The following PRLR variants were observed in gnomAD, a reference collection of about 807,000 sequenced individuals.
PRLR encodes the protein hPRL receptor.
PRLR carries 13 observed loss-of-function variants against 40.2 expected under a neutral mutation model. The observed-to-expected ratio is 0.32, with a 90% CI of 0.21 to 0.51. The LOEUF (loss-of-function observed/expected upper bound fraction) is 0.51. PRLR is among the 20% of genes least tolerant of loss of function. The pLI, the probability that PRLR is intolerant of heterozygous loss-of-function variation, is 0.97. For missense variants in PRLR, 656 were observed against 747.3 expected (o/e 0.88, Z 1.42); for synonymous variants, 269 against 278.7 (o/e 0.97, Z 0.35).
At chr5:35,144,282 T>C (rs1386948698) in intron 1 of PRLR, among the ~76,000 whole-genome samples, 2 of 152,152 alleles carry the variant, frequency 1.3e-5, no homozygotes, top group African/African-American at 4.8e-5. Flanking sequence ...TGAATCTTTA[T>C]TGGGGTATTG....
At chr5:35,186,166 T>C (rs180899075) in intron 1 of PRLR, among the ~76,000 whole-genome samples, 181 of 152,212 alleles carry the variant, frequency 1.2e-3, no homozygotes, top group African/African-American at 4.1e-3. Flanking sequence ...GAATGGAAAA[T>C]ATCTCACTAA....
chr5:35,057,054 G>A lies in PRLR; in HGVS notation c.*8035C>T, dbSNP rs1003624256. The A allele has an allele frequency of 1.3e-5, 2 of 152,150 alleles. No individual in the cohort carries two copies. Among genetic ancestry groups the A allele is most frequent in the East Asian group, 3.9e-4 (2 of 5,172 alleles). The allele number at this position is 152,150 out of a possible 1,614,324, so 9.4% of individuals were successfully genotyped here. A position where few individuals can be genotyped will look rare whatever the true frequency, so the allele number is the denominator to read the frequency against. On this transcript the variant is annotated 3_prime_UTR_variant, in exon 10 of 10. Coordinates refer to ENST00000618457, the MANE Select transcript of PRLR (RefSeq NM_000949.7). ...CAGAAAAGATGTTGTTAATAATATGGATAAATAATAACTGTTCAAAAGGAT... is the reference window on the plus strand; with the variant it reads ...CAGAAAAGATGTTGTTAATAATATGAATAAATAATAACTGTTCAAAAGGAT...
At chr5:35,173,033 T>C (rs996061395) in intron 1 of PRLR, among the ~76,000 whole-genome samples, 1 of 152,218 alleles carries the variant, frequency 6.6e-6, no homozygotes, top group African/African-American at 2.4e-5. Context: ...GCAATTGTTC[T>C]TAAGATGGTC....
intron 1 of PRLR, among the ~76,000 whole-genome samples, chr5:35,129,734 G>A (rs919613332): frequency 6.7e-6 from 1 of 149,218 alleles, no homozygotes; most frequent in African/African-American, 2.5e-5. Context: ...TCCCTTTACT[G>A]TCCCTCCTCT....
intron 1 of PRLR, among the ~76,000 whole-genome samples, chr5:35,175,171 G>A (rs532044067): frequency 2.0e-5 from 3 of 152,266 alleles, no homozygotes; most frequent in Admixed American, 6.5e-5. Flanking sequence ...TAATGCGCAC[G>A]TGTTGTGGGA....
At position 35,124,319 on chromosome 5, in the gene PRLR, A is replaced by G. The variant is rs181254836; in HGVS notation, c.-105-6197T>C. ...AAGGCCCACCAGTCAATAGATTGCT[A>G]CGGCCAAGGATGAAATGGGCCACTC... is the stretch of plus-strand genomic sequence containing the variant. On this transcript the variant is annotated intron_variant, in intron 1 of 9. Coordinates refer to ENST00000618457, the MANE Select transcript of PRLR (RefSeq NM_000949.7). 1.1e-4 allele frequency among the ~76,000 whole-genome samples: 16 copies of G among 152,262 alleles called. No individual in the cohort carries two copies. The East Asian group carries it at 3.1e-3, about 29-fold the overall frequency.
chr5:35,178,389 G>A (rs1235173480), intron 1 of PRLR, among the ~76,000 whole-genome samples: 1 of 152,178 alleles, frequency 6.6e-6, no homozygotes, highest in Non-Finnish European at 1.5e-5. Context: ...CATAGGGACT[G>A]AAGATAGACA....
At chr5:35,220,664 A>G (rs1776391390) in intron 1 of PRLR, among the ~76,000 whole-genome samples, 1 of 152,196 alleles carries the variant, frequency 6.6e-6, no homozygotes, top group African/African-American at 2.4e-5. Context: ...TCCTTGGAAC[A>G]AAGCAGAACC....
chr5:35,097,742 G>T (rs556676911), intron 2 of PRLR, among the ~76,000 whole-genome samples: 2 of 152,238 alleles, frequency 1.3e-5, no homozygotes, highest in South Asian at 4.1e-4. Flanking sequence ...ACCGGGGAGA[G>T]CTCTTCAATA....
chr5:35,077,127 A>C (rs1468825077), intron 5 of PRLR, among the ~76,000 whole-genome samples: 2 of 152,208 alleles, frequency 1.3e-5, no homozygotes, highest in Non-Finnish European at 2.9e-5. Flanking sequence ...CTAGGAAGAA[A>C]CTGCATCAAC....
At chr5:35,204,149 A>C (rs1359483569) in intron 1 of PRLR, among the ~76,000 whole-genome samples, 1 of 151,956 alleles carries the variant, frequency 6.6e-6, no homozygotes, top group Non-Finnish European at 1.5e-5. Flanking sequence ...CTTTTCTCTC[A>C]AAAGAAGATC....
intron 1 of PRLR, among the ~76,000 whole-genome samples, chr5:35,136,745 C>G (rs1773870026): frequency 6.6e-6 from 1 of 152,166 alleles, no homozygotes; most frequent in African/African-American, 2.4e-5. Flanking sequence ...CCACGTGAAT[C>G]TCTACTTTTT....
intron 5 of PRLR, among the ~76,000 whole-genome samples, chr5:35,081,009 G>A (rs1368825988): frequency 2.8e-5 from 4 of 142,548 alleles, no homozygotes; most frequent in Non-Finnish European, 1.5e-5. Context: ...CTTGAACACA[G>A]GGTGGGTAAC....
chr5:35,213,289 T>C (rs911565524), intron 1 of PRLR, among the ~76,000 whole-genome samples: 22 of 152,208 alleles, frequency 1.4e-4, no homozygotes, highest in African/African-American at 5.1e-4. Context: ...CGAGAATCCA[T>C]AAGCATAGCT....
At chr5:35,204,693 A>G (rs981547670) in intron 1 of PRLR, among the ~76,000 whole-genome samples, 4 of 152,170 alleles carry the variant, frequency 2.6e-5, no homozygotes, top group African/African-American at 9.6e-5. Context: ...ACAAATTCCA[A>G]AGACTCAACC....
At chr5:35,052,871 G>A (rs139527506), downstream of PRLR, among the ~76,000 whole-genome samples, 1 of 152,280 alleles carries the variant, frequency 6.6e-6, no homozygotes, top group African/African-American at 2.4e-5. Flanking sequence ...TTCCTACAAG[G>A]CTGTCCGTAC....
At chr5:35,140,960 C>T (rs1774005999) in intron 1 of PRLR, among the ~76,000 whole-genome samples, 1 of 152,134 alleles carries the variant, frequency 6.6e-6, no homozygotes, top group Admixed American at 6.6e-5. Context: ...CTAGGGGTGG[C>T]CTATGACATA....
intron 1 of PRLR, among the ~76,000 whole-genome samples, chr5:35,158,674 A>T (rs1774581205): frequency 6.6e-6 from 1 of 152,094 alleles, no homozygotes; most frequent in Admixed American, 6.6e-5. Context: ...TAAGTCCAAG[A>T]GTGAGAACAT....
chr5:35,196,366 G>A (rs958727985), intron 1 of PRLR, among the ~76,000 whole-genome samples: 1 of 152,238 alleles, frequency 6.6e-6, no homozygotes, highest in East Asian at 1.9e-4. Flanking sequence ...ATAAAAAATA[G>A]TCCTATTTTA....
Sources: allele counts gnomAD v4.1 joint callset (sites outside exome capture counted in the v4.1 genomes callset), GRCh38; gene constraint gnomAD v4.1.1; transcripts MANE v1.5; gene names NCBI Gene and HGNC (gene_info 2026-07-23, HGNC 2026-07-21).